Variants in PCGF5 observed in about 807,000 individuals in gnomAD.
PCGF5 encodes polycomb group RING finger protein 5.
Under a neutral mutation model 44.3 loss-of-function variants are expected in PCGF5, and 9 were observed. The observed-to-expected ratio is 0.20, with a 90% CI of 0.12 to 0.35. PCGF5 has a LOEUF of 0.35. Ranked by LOEUF, PCGF5 falls within the 10% of genes least tolerant of loss-of-function variation. The probability of loss-of-function intolerance (pLI) is 1.00; values close to 1 mark genes in which losing one functional copy is unlikely to be tolerated. For missense variants in PCGF5, 146 were observed against 305.3 expected, an observed-to-expected ratio of 0.48 and a Z score of 3.89; for synonymous variants, 95 against 102.5, an observed-to-expected ratio of 0.93 and a Z score of 0.44.
chr10:91,204,479 G>T (rs370118186), intron 1 of PCGF5, among the ~76,000 whole-genome samples: 1 of 152,010 alleles, frequency 6.6e-6, no homozygotes, highest in Non-Finnish European at 1.5e-5. Context: ...ACCAGGCCAG[G>T]TCTATTTTAT....
intron 1 of PCGF5, among the ~76,000 whole-genome samples, chr10:91,214,890 A>G (rs1844514830): frequency 6.6e-6 from 1 of 152,242 alleles, no homozygotes; most frequent in African/African-American, 2.4e-5. Context: ...TTTTAAAATC[A>G]ATTTATGCTT....
At chr10:91,182,088 T>C (rs1843828673) in intron 1 of PCGF5, among the ~76,000 whole-genome samples, 1 of 152,156 alleles carries the variant, frequency 6.6e-6, no homozygotes, top group African/African-American at 2.4e-5. Flanking sequence ...TAAAGGTGTT[T>C]ATAATATTCG....
chr10:91,225,189 GAT>G, intron 2 of PCGF5, among the ~76,000 whole-genome samples: 1 of 146,036 alleles, frequency 6.8e-6, no homozygotes, highest in Non-Finnish European at 1.5e-5. Flanking sequence ...TAAGCAAAGG[GAT>G]ATATATATTT....
chr10:91,230,508 A>AT (rs1254897728), intron 2 of PCGF5, among the ~76,000 whole-genome samples: 11 of 152,230 alleles, frequency 7.2e-5, no homozygotes, highest in Non-Finnish European at 1.6e-4. Flanking sequence ...CTCAGAATAT[A>AT]TATGTATTCA....
Position 91,278,488 on chromosome 10 carries a change from G to T in PCGF5, c.*172G>T, listed in dbSNP as rs115710628. 327 of 629,276 alleles carry T rather than the reference G, an allele frequency of 5.2e-4. 1 individual carries two copies. The African/African-American group carries it at 5.7e-3, about 11-fold the overall frequency. The allele number at this position is 629,276 out of a possible 1,614,324, so 39.0% of individuals were successfully genotyped here. ...GTTGCATTCATGTTGTTTCTATTAG[G>T]AGCAAACCAAGTGCCATTCTGCTAC... On this transcript the variant is annotated 3_prime_UTR_variant, in exon 10 of 10. Coordinates refer to ENST00000336126, the MANE Select transcript of PCGF5 (RefSeq NM_032373.5).
At position 91,231,961 on chromosome 10, in the gene PCGF5, G is replaced by A. The variant is rs183122518; in HGVS notation, c.113-8523G>A. 2.0e-3 allele frequency among the ~76,000 whole-genome samples: 310 copies of A among 152,326 alleles called. 2 individuals are homozygous for A. The highest frequency in any genetic ancestry group is 7.2e-3 in the African/African-American group (298 of 41,564). On this transcript the variant is annotated intron_variant, in intron 2 of 9. Coordinates refer to ENST00000336126, the MANE Select transcript of PCGF5 (RefSeq NM_032373.5). Reference sequence around the variant, plus strand: ...AGTTATAACATATTCAAATGGAGATGTCCATTTGGGAGTTGGACTTATGAC... The same window carrying A: ...AGTTATAACATATTCAAATGGAGATATCCATTTGGGAGTTGGACTTATGAC...
At chr10:91,198,400 C>A (rs1281468226) in intron 1 of PCGF5, among the ~76,000 whole-genome samples, 1 of 152,206 alleles carries the variant, frequency 6.6e-6, no homozygotes, top group African/African-American at 2.4e-5. Flanking sequence ...AACTTCCTTA[C>A]CTGTTTTGTG....
chr10:91,207,364 A>G lies in PCGF5; in HGVS notation c.-183-15325A>G, dbSNP rs568990999. 2.6e-5 allele frequency among the ~76,000 whole-genome samples: 4 copies of G among 152,338 alleles called. No individual in the cohort carries two copies. In the East Asian group the frequency reaches 5.8e-4, roughly 22 times the overall value. ...ACAGAAAAGTTGCCAAAATCTTTCA[A>G]TGAACATCCGTATATCTCTCACTTA... On this transcript the variant is annotated intron_variant, in intron 1 of 9. Coordinates refer to the PCGF5 transcript ENST00000614189.
At chr10:91,258,483 C>T (rs1845813641) in intron 6 of PCGF5, among the ~76,000 whole-genome samples, 1 of 151,982 alleles carries the variant, frequency 6.6e-6, no homozygotes, top group Non-Finnish European at 1.5e-5. Context: ...TCATGTCAGC[C>T]CTCAGTTTCA....
chr10:91,266,599 G>A (rs1008328019), intron 8 of PCGF5, among the ~76,000 whole-genome samples: 2 of 152,110 alleles, frequency 1.3e-5, no homozygotes, highest in Admixed American at 6.6e-5. Flanking sequence ...CAACAGTAAA[G>A]TAATATATTA....
At position 91,268,462 on chromosome 10, in the gene PCGF5, G is replaced by T. The variant is rs529442907; in HGVS notation, c.664-3176G>T. ...TGGCATTGCGTTATATTTCTAGATTGATTTGGCTGGAATTGGCATCTTTGC... is the reference window on the plus strand; with the variant it reads ...TGGCATTGCGTTATATTTCTAGATTTATTTGGCTGGAATTGGCATCTTTGC... On this transcript the variant is annotated intron_variant, in intron 8 of 9. Coordinates refer to ENST00000336126, the MANE Select transcript of PCGF5 (RefSeq NM_032373.5). 2.3e-3 allele frequency among the ~76,000 whole-genome samples: 350 copies of T among 152,238 alleles called. 2 individuals carry two copies. The highest frequency in any genetic ancestry group is 7.9e-3 in the African/African-American group (330 of 41,552).
chr10:91,191,167 A>C (rs1844026978), intron 1 of PCGF5, among the ~76,000 whole-genome samples: 2 of 152,264 alleles, frequency 1.3e-5, no homozygotes. Flanking sequence ...AATTAGGCAC[A>C]GTAAAAGATT....
At chr10:91,200,136 C>T (rs10881902) in intron 1 of PCGF5, among the ~76,000 whole-genome samples, 77,349 of 152,094 alleles carry the variant, frequency 0.51, 24,258 homozygotes, top group Non-Finnish European at 0.7. Context: ...ATTTTTGCCT[C>T]ACTGTGGGAG....
Position 91,261,371 on chromosome 10 carries a change from G to A in PCGF5, c.520G>A (p.Gly174Arg). The change falls in exon 7 of 10, where the codon GGA becomes AGA. Residue 174 changes from glycine to arginine, a missense_variant. Physicochemically the swap from Gly to Arg is moderately radical, Grantham distance 125. Around this residue, in one of 3 missense-constraint regions of PCGF5, gnomAD observed 123 missense variants for 268.6 expected, o/e 0.46. Transcript: ENST00000336126. The stretch of plus-strand genomic sequence containing the variant: ...TCGATGTTCTACACGTGTAACTGTG[G>A]GAACTATTAAAAAATTTCTAAGTTT... ...FIRCSTRVTV[G>R]TIKKFLSLKL... 2.7e-6 allele frequency: 4 copies of A among 1,499,944 alleles called. No homozygotes were observed. The highest frequency in any genetic ancestry group is 2.7e-6 in the Non-Finnish European group (3 of 1,109,766). The allele number at this position is 1,499,944 out of a possible 1,614,324, so 92.9% of individuals were successfully genotyped here.
chr10:91,209,878 A>C (rs536584249), intron 1 of PCGF5, among the ~76,000 whole-genome samples: 1 of 152,324 alleles, frequency 6.6e-6, no homozygotes, highest in East Asian at 1.9e-4. Flanking sequence ...GGCATTAGGG[A>C]ATGAATGAAT....
chr10:91,174,393 G>A (rs779752402), intron 1 of PCGF5, among the ~76,000 whole-genome samples: 69 of 152,096 alleles, frequency 4.5e-4, no homozygotes, highest in Non-Finnish European at 8.2e-4. Flanking sequence ...TGTAATCCCA[G>A]CCACTGGGGA....
At chr10:91,156,774 T>C in the PCGF5 span, among the ~76,000 whole-genome samples, 3 of 152,216 alleles carry the variant, frequency 2.0e-5, no homozygotes, top group African/African-American at 7.2e-5. Flanking sequence ...ACCCACCACA[T>C]TTAATTATCA....
At chr10:91,227,252 G>A in intron 2 of PCGF5, 1 of 438,672 alleles carries the variant, frequency 2.3e-6, no homozygotes, top group South Asian at 1.7e-5. Context: ...TTTTTTTCCT[G>A]TGTGAACTCA....
At chr10:91,175,836 C>A (rs1843696121) in intron 1 of PCGF5, among the ~76,000 whole-genome samples, 1 of 152,174 alleles carries the variant, frequency 6.6e-6, no homozygotes, top group East Asian at 1.9e-4. Flanking sequence ...CTGAATACAG[C>A]ACACTGATGG....
Sources: gnomAD v4.1 joint callset for allele counts (sites outside exome capture counted in the v4.1 genomes callset) on GRCh38, gnomAD v4.1.1 for gene constraint, gnomAD v4.1.1 regional missense constraint, MANE v1.5 for transcripts, NCBI Gene and HGNC (gene_info 2026-07-23, HGNC 2026-07-21) for gene names.